YWHAE: variants seen among roughly 807,000 people sequenced by gnomAD.
The protein encoded by YWHAE is tyrosine 3-monooxygenase/tryptophan 5-monooxygenase activation protein epsilon, also known as 14-3-3 protein epsilon.
Under a neutral mutation model 30.1 loss-of-function variants are expected in YWHAE, and 4 were observed. The observed-to-expected ratio is 0.13, with a 90% confidence interval of 0.07 to 0.30. The LOEUF is 0.30. Among genes scored for constraint, YWHAE ranks in the 10% least tolerant of loss-of-function variants. YWHAE has a pLI of 1.00. For missense variants in YWHAE, 121 were observed against 315.9 expected, an observed-to-expected ratio of 0.38 and a Z score of 4.68; for synonymous variants, 118 against 111.8, an observed-to-expected ratio of 1.06 and a Z score of -0.35.
chr17:1,398,418 AAT>A (rs1393047805), intron 1 of YWHAE, among the ~76,000 whole-genome samples: 1 of 151,358 alleles, frequency 6.6e-6, no homozygotes, highest in African/African-American at 2.4e-5. Context: ...ATATTTCCTA[AAT>A]ATGAGTTCTA....
chr17:1,361,005 G>A, intron 4 of YWHAE, 87 bp downstream of exon 4: 1 of 1,253,680 alleles, frequency 8.0e-7, no homozygotes, highest in Non-Finnish European at 1.2e-6. Context: ...AGTCTACAAA[G>A]ACAGGCCCAA....
intron 2 of YWHAE, among the ~76,000 whole-genome samples, chr17:1,363,925 T>C (rs928078642): frequency 2.0e-5 from 3 of 152,078 alleles, no homozygotes; most frequent in Non-Finnish European, 4.4e-5. Context: ...CTGTGCCCAG[T>C]AGAATGGTTA....
In YWHAE at chr17:1,371,021, A is replaced by G. The variant is rs559310547; in HGVS notation, c.65-5963T>C. ...CTCAAAAAATAAAAAATCAAAAAAC[A>G]TTGCTCTCCTTACACAACTACATCA... is the stretch of plus-strand genomic sequence containing the variant. On this transcript the variant is annotated intron_variant, in intron 1 of 5. Transcript: ENST00000264335. Among the ~76,000 whole-genome samples, 5 of 152,152 alleles carry G rather than the reference A, an allele frequency of 3.3e-5. No individual in the cohort carries two copies. In the South Asian group the frequency reaches 6.2e-4, roughly 19 times the overall value.
chr17:1,376,385 A>C (rs1248792237), intron 1 of YWHAE, among the ~76,000 whole-genome samples: 1 of 71,036 alleles, frequency 1.4e-5, no homozygotes, highest in Non-Finnish European at 3.1e-5. Context: ...AGAAAGAAAG[A>C]AAAAGAAAGA....
At chr17:1,379,271 G>A (rs966449447) in intron 1 of YWHAE, among the ~76,000 whole-genome samples, 15 of 151,922 alleles carry the variant, frequency 9.9e-5, no homozygotes, top group African/African-American at 3.2e-4. Context: ...GGCTGCTTGA[G>A]CTGAGGAGTC....
chr17:1,354,868 TA>T (rs1567957555), intron 4 of YWHAE, among the ~76,000 whole-genome samples: 1 of 151,028 alleles, frequency 6.6e-6, no homozygotes, highest in Admixed American at 6.6e-5. Context: ...TTCACCGTGT[TA>T]GCCAGGATGG....
At chr17:1,373,593 G>A (rs1220203524) in intron 1 of YWHAE, among the ~76,000 whole-genome samples, 2 of 151,880 alleles carry the variant, frequency 1.3e-5, no homozygotes, top group African/African-American at 2.4e-5. Flanking sequence ...GCGTGAACCC[G>A]GGAGGCGGAG....
chr17:1,355,588 T>C (rs970732544), intron 4 of YWHAE, among the ~76,000 whole-genome samples: 1 of 152,020 alleles, frequency 6.6e-6, no homozygotes, highest in East Asian at 1.9e-4. Context: ...ATGTAAGCCA[T>C]TTACAGTTTT....
At chr17:1,399,896 C>A in intron 1 of YWHAE, 151 bp downstream of exon 1, 1 of 895,378 alleles carries the variant, frequency 1.1e-6, no homozygotes, top group Non-Finnish European at 1.8e-6. Flanking sequence ...CCCATCGCCC[C>A]GGGAGCTCCC....
At chr17:1,394,759 G>C (rs1197950442) in intron 1 of YWHAE, among the ~76,000 whole-genome samples, 1 of 151,962 alleles carries the variant, frequency 6.6e-6, no homozygotes, top group East Asian at 1.9e-4. Context: ...CTGAGGTCAG[G>C]AGTCAGAGAT....
At chr17:1,371,581 A>C (rs1296466738) in intron 1 of YWHAE, among the ~76,000 whole-genome samples, 1 of 152,144 alleles carries the variant, frequency 6.6e-6, no homozygotes, top group East Asian at 1.9e-4. Context: ...CAAATTTTTC[A>C]AACAGTCAAT....
chr17:1,356,964 A>C (rs2072755991), intron 4 of YWHAE, among the ~76,000 whole-genome samples: 1 of 151,562 alleles, frequency 6.6e-6, no homozygotes, highest in Admixed American at 6.6e-5. Context: ...AAACCAAAAA[A>C]AAACACATAC....
At chr17:1,394,928 C>CT (rs2073445639) in intron 1 of YWHAE, among the ~76,000 whole-genome samples, 1 of 152,118 alleles carries the variant, frequency 6.6e-6, no homozygotes, top group South Asian at 2.1e-4. Context: ...GATCCTACCA[C>CT]TACACTCCAC....
At chr17:1,399,836 TGTTTGCA>T in intron 1 of YWHAE, 1 of 501,580 alleles carries the variant, frequency 2.0e-6, no homozygotes, top group South Asian at 2.0e-5. Flanking sequence ...GCCCGCGAGT[TGTTTGCA>T]GTTAAGGACG....
chr17:1,366,302 G>T (rs1433524834), intron 1 of YWHAE, among the ~76,000 whole-genome samples: 1 of 152,152 alleles, frequency 6.6e-6, no homozygotes, highest in Admixed American at 6.5e-5. Flanking sequence ...AACTGTGGGA[G>T]GCCAAGGTGG....
At chr17:1,351,296 T>A (rs1220886088) in intron 5 of YWHAE, among the ~76,000 whole-genome samples, 1 of 151,668 alleles carries the variant, frequency 6.6e-6, no homozygotes, top group African/African-American at 2.4e-5. Context: ...GAGAATCACT[T>A]GAACCCAGGA....
chr17:1,388,118 G>GTTTTTTTTTTTTTTTTTTT (rs1297503908), intron 1 of YWHAE, among the ~76,000 whole-genome samples: 1 of 15,498 alleles, frequency 6.5e-5, no homozygotes, highest in Non-Finnish European at 9.3e-5. Context: ...TTTTTGGTTG[G>GTTTTTTTTTTTTTTTTTTT]TTTTTTTTTT....
At chr17:1,359,291 A>G (rs919245332) in intron 4 of YWHAE, among the ~76,000 whole-genome samples, 2 of 152,184 alleles carry the variant, frequency 1.3e-5, no homozygotes, top group Admixed American at 6.6e-5. Context: ...CTGCAGAGAC[A>G]GAACAAGATC....
intron 1 of YWHAE, among the ~76,000 whole-genome samples, chr17:1,395,031 G>A (rs2073447226): frequency 6.6e-6 from 1 of 152,004 alleles, no homozygotes; most frequent in African/African-American, 2.4e-5. Context: ...TGTGTACACA[G>A]TGTTCTTGAA....
Sources: gnomAD v4.1 joint callset for allele counts (sites outside exome capture counted in the v4.1 genomes callset) on GRCh38, gnomAD v4.1.1 for gene constraint, MANE v1.5 for transcripts, NCBI Gene and HGNC (gene_info 2026-07-23, HGNC 2026-07-21) for gene names.